Variants in SPINK13 observed in about 807,000 individuals in gnomAD.
SPINK13 encodes serine peptidase inhibitor Kazal type 13.
A neutral mutation model predicts 11.0 loss-of-function variants in SPINK13; 11 were observed. The observed-to-expected ratio is 1.00, with a 90% confidence interval of 0.63 to 1.65. The LOEUF (loss-of-function observed/expected upper bound fraction) is 1.65, where lower values mean the gene tolerates loss of function less well. Ranked by LOEUF, SPINK13 falls within the 40% of genes most tolerant of loss-of-function variation. SPINK13 has a pLI of 0.00. For missense variants in SPINK13, 113 were observed against 117.7 expected (o/e 0.96, Z 0.19); for synonymous variants, 31 against 35.6 (o/e 0.87, Z 0.46).
chr5:148,279,071 G>A (rs1756473778), intron 3 of SPINK13, among the ~76,000 whole-genome samples: 1 of 141,018 alleles, frequency 7.1e-6, no homozygotes. Flanking sequence ...TTTTATCAGA[G>A]ACTAGAATTG....
At chr5:148,284,845 G>A (rs1340441359) in intron 4 of SPINK13, among the ~76,000 whole-genome samples, 1 of 152,120 alleles carries the variant, frequency 6.6e-6, no homozygotes, top group Non-Finnish European at 1.5e-5. Flanking sequence ...TGTCCTTAAT[G>A]AATCCCTCAA....
At chr5:148,275,722 G>A (rs1454472722) in intron 3 of SPINK13, among the ~76,000 whole-genome samples, 8 of 150,664 alleles carry the variant, frequency 5.3e-5, no homozygotes, top group Admixed American at 2.6e-4. Flanking sequence ...GTGCAATGGC[G>A]TGATCTTGGC....
chr5:148,275,666 C>CTTTTTT (rs768312591), intron 3 of SPINK13, among the ~76,000 whole-genome samples: 1 of 142,350 alleles, frequency 7.0e-6, no homozygotes, highest in African/African-American at 2.6e-5. Flanking sequence ...GACTTTTTTT[C>CTTTTTT]TTTTTTTTTT....
At position 148,282,123 on chromosome 5, in the gene SPINK13, T is replaced by A; in HGVS notation, c.128T>A (p.Ile43Asn). Residue 43 changes from isoleucine (I) to asparagine (N), a missense_variant, in exon 4 of 5, where the codon ATC becomes AAC. By Grantham distance (149) the Ile-to-Asn change is moderately radical. Transcript: ENST00000398450. ...TTGCAGCCCCGATGTAAAATGTATA[T>A]CCCACTGGACCCTGATTACAATGCA... ...RWPKPRCKMY[I>N]PLDPDYNADC... 1 of 1,614,218 alleles carries A rather than the reference T, an allele frequency of 6.2e-7. No homozygotes were observed. The highest frequency in any genetic ancestry group is 8.5e-7 in the Non-Finnish European group (1 of 1,180,040).
Position 148,268,809 on chromosome 5 carries a change from C to G in SPINK13, c.-113C>G, listed in dbSNP as rs758928343. The G allele has an allele frequency of 7.9e-5, 12 of 152,616 alleles. No individual in the cohort carries two copies. Among genetic ancestry groups the G allele is most frequent in the Non-Finnish European group, 1.5e-4 (10 of 68,334 alleles). The allele number at this position is 152,616 out of a possible 1,614,324, so 9.5% of individuals were successfully genotyped here. On this transcript the variant is annotated 5_prime_UTR_variant, in exon 1 of 5. Coordinates refer to ENST00000398450, the MANE Select transcript of SPINK13 (RefSeq NM_001040129.3). Reference sequence around the variant, plus strand: ...TCTCAAGGCTAGTTGTGACAGACTCCTGGAACAGCAGCTCTTCTCAAGGCT... The same window carrying G: ...TCTCAAGGCTAGTTGTGACAGACTCGTGGAACAGCAGCTCTTCTCAAGGCT...
chr5:148,271,311 T>C (rs929581114), intron 2 of SPINK13, among the ~76,000 whole-genome samples: 2 of 152,180 alleles, frequency 1.3e-5, no homozygotes, highest in African/African-American at 4.8e-5. Context: ...TTCAATAAAT[T>C]TCATTGGGTT....
chr5:148,281,668 A>G (rs1756516535), intron 3 of SPINK13, among the ~76,000 whole-genome samples: 1 of 152,210 alleles, frequency 6.6e-6, no homozygotes. Flanking sequence ...TTGGAAATGC[A>G]GAAATCACCC....
intron 3 of SPINK13, among the ~76,000 whole-genome samples, chr5:148,276,645 C>G (rs1411121067): frequency 6.6e-6 from 1 of 151,694 alleles, no homozygotes; most frequent in Non-Finnish European, 1.5e-5. Flanking sequence ...CTGTTCTGTT[C>G]CATTGGTCTA....
At chr5:148,271,768 G>T (rs1361174165) in intron 2 of SPINK13, among the ~76,000 whole-genome samples, 2 of 152,086 alleles carry the variant, frequency 1.3e-5, no homozygotes, top group African/African-American at 4.8e-5. Flanking sequence ...GGCACTACAG[G>T]CGCCCGCCAC....
At chr5:148,285,894 G>A in intron 4 of SPINK13, 106 bp from the exon 5 acceptor site, 3 of 571,798 alleles carry the variant, frequency 5.2e-6, no homozygotes, top group Non-Finnish European at 9.1e-6. Context: ...GAATTTAAAA[G>A]CAGCTCCCTT....
intron 3 of SPINK13, among the ~76,000 whole-genome samples, chr5:148,278,203 A>G (rs1429270549): frequency 6.6e-6 from 1 of 151,984 alleles, no homozygotes; most frequent in African/African-American, 2.4e-5. Flanking sequence ...TGTTCTGTTA[A>G]TCTTTTCAAA....
chr5:148,284,213 A>AT (rs1172116818), intron 4 of SPINK13, among the ~76,000 whole-genome samples: 10 of 86,048 alleles, frequency 1.2e-4, no homozygotes, highest in Non-Finnish European at 1.4e-4. Flanking sequence ...CCTTCCTTCC[A>AT]TTTTTCCTTC....
chr5:148,271,070 A>T (rs939430116), intron 2 of SPINK13, among the ~76,000 whole-genome samples: 6 of 152,242 alleles, frequency 3.9e-5, no homozygotes, highest in African/African-American at 1.4e-4. Flanking sequence ...CAATAAGAAA[A>T]TAGTACACCT....
At chr5:148,285,622 A>G (rs534048412) in intron 4 of SPINK13, among the ~76,000 whole-genome samples, 62 of 152,328 alleles carry the variant, frequency 4.1e-4, no homozygotes, top group Admixed American at 1.7e-3. Flanking sequence ...GTGTGAAAAC[A>G]GTGAAAAATT....
chr5:148,270,268 TG>T, intron 2 of SPINK13, 126 bp downstream of exon 2: 2 of 834,578 alleles, frequency 2.4e-6, no homozygotes, highest in East Asian at 5.1e-5. Context: ...CAGTCCAAAC[TG>T]GGTATAATTA....
intron 4 of SPINK13, among the ~76,000 whole-genome samples, chr5:148,284,582 C>A (rs542283357): frequency 6.6e-6 from 1 of 151,980 alleles, no homozygotes; most frequent in Non-Finnish European, 1.5e-5. Flanking sequence ...CTCCATATGA[C>A]CTGAATGTAT....
At chr5:148,269,617 C>G (rs1408380475) in intron 1 of SPINK13, among the ~76,000 whole-genome samples, 2 of 152,152 alleles carry the variant, frequency 1.3e-5, no homozygotes, top group Non-Finnish European at 2.9e-5. Flanking sequence ...TACAGGACAG[C>G]TCTCAGTTTA....
intron 3 of SPINK13, among the ~76,000 whole-genome samples, chr5:148,281,154 A>G (rs566277938): frequency 1.3e-5 from 2 of 152,238 alleles, no homozygotes; most frequent in East Asian, 3.9e-4. Flanking sequence ...TGAGTGTCCC[A>G]GGTCGACCTC....
At chr5:148,274,445 G>A in intron 3 of SPINK13, 61 bp downstream of exon 3, 2 of 1,407,084 alleles carry the variant, frequency 1.4e-6, no homozygotes, top group Non-Finnish European at 2.0e-6. Flanking sequence ...CCAGACATGA[G>A]AGATCTAAAA....
Sources: allele counts gnomAD v4.1 joint callset (sites outside exome capture counted in the v4.1 genomes callset), GRCh38; gene constraint gnomAD v4.1.1; transcripts MANE v1.5; gene names NCBI Gene and HGNC (gene_info 2026-07-23, HGNC 2026-07-21).